E2F5: variants seen among roughly 807,000 people sequenced by gnomAD.
E2F5 encodes the protein E2F transcription factor 5.
A neutral mutation model predicts 39.1 loss-of-function variants in E2F5; 23 were observed. That is an observed-to-expected ratio of 0.59 (90% confidence interval 0.42 to 0.83). The LOEUF is 0.83. Ranked by LOEUF, E2F5 falls within the 40% of genes least tolerant of loss-of-function variation. E2F5 has a pLI of 0.00. For missense variants in E2F5, 365 were observed against 406.7 expected, an observed-to-expected ratio of 0.90 and a Z score of 0.88; for synonymous variants, 145 against 157.8, an observed-to-expected ratio of 0.92 and a Z score of 0.61.
intron 3 of E2F5, among the ~76,000 whole-genome samples, chr8:85,204,463 G>C (rs1298318786): frequency 6.8e-6 from 1 of 146,096 alleles, no homozygotes; most frequent in Non-Finnish European, 1.5e-5. Flanking sequence ...AACACCTCAT[G>C]TTCTCACTCA....
chr8:85,186,628 T>G (rs1244639942), intron 1 of E2F5, among the ~76,000 whole-genome samples: 1 of 147,358 alleles, frequency 6.8e-6, no homozygotes, highest in Non-Finnish European at 1.5e-5. Flanking sequence ...AAGGTATATA[T>G]ATGGTATATA....
chr8:85,209,193 C>G lies in E2F5; in HGVS notation c.667C>G (p.Pro223Ala), dbSNP rs1812863245. Residue 223 changes from proline (P) to alanine (A), a missense_variant, in exon 6 of 8, where the codon CCT becomes GCT. Pro to Ala is a conservative substitution (Grantham distance 27). Coordinates refer to ENST00000416274, the MANE Select transcript of E2F5 (RefSeq NM_001951.4). ...YQINLKSHSGPIHVLLINKES... is the reference protein window; with the variant it reads ...YQINLKSHSGAIHVLLINKES... Reference sequence around the variant, plus strand: ...GATCAATCTAAAGAGTCATTCAGGACCTATCCATGTGCTGCTTATAAATAA... The same window carrying G: ...GATCAATCTAAAGAGTCATTCAGGAGCTATCCATGTGCTGCTTATAAATAA... The G allele has an allele frequency of 6.2e-7, 1 of 1,614,002 alleles. No homozygotes were observed. The highest frequency in any genetic ancestry group is 8.5e-7 in the Non-Finnish European group (1 of 1,179,894).
chr8:85,198,535 A>G (rs770890410), intron 1 of E2F5, among the ~76,000 whole-genome samples: 10 of 152,156 alleles, frequency 6.6e-5, no homozygotes, highest in Non-Finnish European at 1.5e-4. Context: ...GTCACCCATG[A>G]TCTTTCCAAA....
At chr8:85,192,447 G>A (rs989776187) in intron 1 of E2F5, among the ~76,000 whole-genome samples, 2 of 152,140 alleles carry the variant, frequency 1.3e-5, no homozygotes, top group African/African-American at 4.8e-5. Flanking sequence ...AGAGGAACAA[G>A]AATGGAACTC....
intron 1 of E2F5, among the ~76,000 whole-genome samples, chr8:85,186,662 A>G (rs980151199): frequency 1.4e-5 from 2 of 147,710 alleles, no homozygotes; most frequent in Non-Finnish European, 3.0e-5. Flanking sequence ...TGGTGTATAT[A>G]TGGTATATAT....
Position 85,210,676 on chromosome 8 carries a change from A to T in E2F5, c.883+1267A>T, listed in dbSNP as rs192635266. On this transcript the variant is annotated intron_variant, in intron 6 of 7. Transcript: ENST00000416274. Reference sequence around the variant, plus strand: ...GGGCGACAGAGTAAGACTCCATCTTAAAAAAAAAAAAAAAGAAAATGTAGT... The same window carrying T: ...GGGCGACAGAGTAAGACTCCATCTTTAAAAAAAAAAAAAAGAAAATGTAGT... Among the ~76,000 whole-genome samples the T allele has an allele frequency of 7.3e-4, 92 of 125,610 alleles. 1 individual carries two copies. The East Asian group carries it at 0.016, about 22-fold the overall frequency. The allele number at this position is 125,610 out of a possible 152,430, so 82.4% of individuals were successfully genotyped here.
chr8:85,181,156 C>T (rs901363145), intron 1 of E2F5, among the ~76,000 whole-genome samples: 1 of 151,930 alleles, frequency 6.6e-6, no homozygotes, highest in East Asian at 1.9e-4. Context: ...CCACCGCTTC[C>T]GGCCTTGAAG....
chr8:85,190,497 CTTTTTTTTTTT>C (rs34804570), intron 1 of E2F5, among the ~76,000 whole-genome samples: 1 of 70,304 alleles, frequency 1.4e-5, no homozygotes, highest in Admixed American at 2.1e-4. Flanking sequence ...GAGATTTTTC[CTTTTTTTTTTT>C]TTTTTTTTTT....
At chr8:85,196,461 T>C (rs1812583198) in intron 1 of E2F5, among the ~76,000 whole-genome samples, 1 of 152,192 alleles carries the variant, frequency 6.6e-6, no homozygotes. Flanking sequence ...TAAGTGGAAA[T>C]TAAGATCTTT....
chr8:85,199,785 C>T lies in E2F5; in HGVS notation c.235-2362C>T, dbSNP rs111311188. On this transcript the variant is annotated intron_variant, in intron 1 of 7. Coordinates refer to ENST00000416274, the MANE Select transcript of E2F5 (RefSeq NM_001951.4). ...AGTAATCACTATACAGTAGACATTG[C>T]GGTAAGATTATCCAGTTTAATTCCC... is the stretch of plus-strand genomic sequence containing the variant. Among the ~76,000 whole-genome samples the T allele has an allele frequency of 3.6e-3, 541 of 152,280 alleles. 4 individuals are homozygous for T. Among genetic ancestry groups the T allele is most frequent in the Middle Eastern group, 0.017 (5 of 294 alleles).
intron 6 of E2F5, among the ~76,000 whole-genome samples, chr8:85,211,752 C>T (rs1375743509): frequency 2.7e-5 from 4 of 150,110 alleles, no homozygotes; most frequent in African/African-American, 9.8e-5. Context: ...ATCCTCCCAC[C>T]TCAGTCTCCC....
At chr8:85,179,804 C>G (rs1011573678) in intron 1 of E2F5, among the ~76,000 whole-genome samples, 1 of 151,234 alleles carries the variant, frequency 6.6e-6, no homozygotes, top group African/African-American at 2.4e-5. Context: ...GGACTACAGG[C>G]GCCCGCCAGC....
chr8:85,212,001 C>A (rs1430180282), intron 6 of E2F5, among the ~76,000 whole-genome samples, 156 bp from the exon 7 acceptor site: 2 of 152,074 alleles, frequency 1.3e-5, no homozygotes, highest in Non-Finnish European at 2.9e-5. Context: ...ATGCCAGGCA[C>A]AGAGTAAGCG....
chr8:85,198,124 A>G (rs138643408), intron 1 of E2F5, among the ~76,000 whole-genome samples: 1 of 152,284 alleles, frequency 6.6e-6, no homozygotes, highest in East Asian at 1.9e-4. Flanking sequence ...TAATGTACCT[A>G]TATCTGTACC....
At position 85,206,204 on chromosome 8, in the gene E2F5, C is replaced by G. The variant is rs774880479; in HGVS notation, c.534C>G (p.Ile178Met). 3.7e-6 allele frequency: 6 copies of G among 1,613,248 alleles called. No individual in the cohort carries two copies. In the South Asian group the frequency reaches 6.6e-5, roughly 18 times the overall value. Residue 178 changes from isoleucine to methionine, a missense_variant, in exon 4 of 8, where the codon ATC becomes ATG. By Grantham distance (10) the Ile-to-Met change is conservative. Coordinates refer to ENST00000416274, the MANE Select transcript of E2F5 (RefSeq NM_001951.4). ...TTTCCTATGTAACTCATGAAGACAT[C>G]TGTAATTGCTTTAATGGTAAGTACC... ...NRFSYVTHED[I>M]CNCFNGDTLL...
At chr8:85,181,221 A>G (rs958610516) in intron 1 of E2F5, among the ~76,000 whole-genome samples, 1 of 152,176 alleles carries the variant, frequency 6.6e-6, no homozygotes, top group Non-Finnish European at 1.5e-5. Flanking sequence ...TTCAAGTAAA[A>G]TATCCAAATA....
At chr8:85,196,304 A>G (rs897966463) in intron 1 of E2F5, among the ~76,000 whole-genome samples, 2 of 152,128 alleles carry the variant, frequency 1.3e-5, no homozygotes, top group African/African-American at 4.8e-5. Flanking sequence ...ACCTTAAGTA[A>G]TCTCTCATTT....
chr8:85,211,645 T>C (rs1333410373), intron 6 of E2F5, among the ~76,000 whole-genome samples: 1 of 118,916 alleles, frequency 8.4e-6, no homozygotes, highest in Admixed American at 8.1e-5. Flanking sequence ...TTGTTGTTGT[T>C]TTTTTTTTTT....
At chr8:85,212,628 A>G (rs1037032210) in intron 7 of E2F5, 2 of 153,572 alleles carry the variant, frequency 1.3e-5, no homozygotes, top group Non-Finnish European at 2.9e-5. Context: ...CTAACCTGAA[A>G]AATTATTAAA....
Sources: allele counts gnomAD v4.1 joint callset (sites outside exome capture counted in the v4.1 genomes callset), GRCh38; gene constraint gnomAD v4.1.1; transcripts MANE v1.5; gene names NCBI Gene and HGNC (gene_info 2026-07-23, HGNC 2026-07-21).